Variants in NIM1K observed in about 807,000 individuals in gnomAD.
NIM1K encodes NIM1 serine/threonine protein kinase, also known as serine/threonine-protein kinase NIM1.
Under a neutral mutation model 37.1 loss-of-function variants are expected in NIM1K, and 35 were observed. That is an observed-to-expected ratio of 0.94 (90% CI 0.72 to 1.25). The LOEUF (loss-of-function observed/expected upper bound fraction) is 1.25, where lower values mean the gene tolerates loss of function less well. Among genes scored for constraint, NIM1K ranks in the 50% most tolerant of loss-of-function variants. The pLI is 0.00. For synonymous variants in NIM1K, 234 were observed against 206.6 expected (o/e 1.13, Z -1.14); for missense variants, 564 against 548.0 (o/e 1.03, Z -0.29).
At chr5:43,276,791 T>C (rs1753348061) in intron 2 of NIM1K, among the ~76,000 whole-genome samples, 3 of 152,204 alleles carry the variant, frequency 2.0e-5, no homozygotes, top group Admixed American at 1.3e-4. Flanking sequence ...TCTCCGGGCT[T>C]AGCAAAGGAG....
intron 1 of NIM1K, among the ~76,000 whole-genome samples, chr5:43,205,770 T>TGG (rs1266740682): frequency 6.6e-6 from 1 of 152,130 alleles, no homozygotes; most frequent in African/African-American, 2.4e-5. Flanking sequence ...TGGAGTGTAG[T>TGG]CTTGCGATCT....
intron 1 of NIM1K, among the ~76,000 whole-genome samples, chr5:43,199,204 A>AAAAATAT (rs1200134957): frequency 3.2e-5 from 3 of 94,068 alleles, no homozygotes; most frequent in African/African-American, 1.2e-4. Flanking sequence ...AAAAAAAAAA[A>AAAAATAT]ATATATATAT....
At chr5:43,233,200 G>A (rs570088813) in intron 1 of NIM1K, 37 of 1,047,664 alleles carry the variant, frequency 3.5e-5, no homozygotes, top group Middle Eastern at 2.6e-4. Context: ...CTGCCGAGGC[G>A]ATGGTGGAGA....
At chr5:43,260,300 G>T (rs1218774990) in intron 2 of NIM1K, among the ~76,000 whole-genome samples, 3 of 152,126 alleles carry the variant, frequency 2.0e-5, no homozygotes, top group Non-Finnish European at 4.4e-5. Context: ...TTCTTGTCTT[G>T]TTCCAGCTCT....
At chr5:43,274,424 G>A (rs996054387) in intron 2 of NIM1K, among the ~76,000 whole-genome samples, 2 of 152,112 alleles carry the variant, frequency 1.3e-5, no homozygotes, top group Admixed American at 1.3e-4. Flanking sequence ...GAAGCAGTGG[G>A]TTCTTCTACA....
In NIM1K at chr5:43,195,441, T is replaced by C. The variant is rs565400593; in HGVS notation, c.-695+3030T>C. Among the ~76,000 whole-genome samples the C allele has an allele frequency of 1.3e-3, 192 of 152,220 alleles. 2 individuals carry two copies. The highest frequency in any genetic ancestry group is 6.0e-3 in the Admixed American group (91 of 15,278). ...GGGAGGCTGAAGCAGAAGGACTGCT[T>C]GAGCCCAGGAGTTCGAGACCAGCCT... On this transcript the variant is annotated intron_variant, in intron 1 of 3. Transcript: ENST00000326035.
Position 43,233,286 on chromosome 5 carries a change from C to T in NIM1K, c.-694-11796C>T, listed in dbSNP as rs536027243. 1.2e-3 allele frequency: 583 copies of T among 488,858 alleles called. 3 individuals are homozygous for T. Among genetic ancestry groups the T allele is most frequent in the African/African-American group, 0.011 (547 of 51,054 alleles). The allele number at this position is 488,858 out of a possible 1,614,324, so 30.3% of individuals were successfully genotyped here. A position where few individuals can be genotyped will look rare whatever the true frequency, so the allele number is the denominator to read the frequency against. On this transcript the variant is annotated intron_variant, in intron 1 of 3. Transcript: ENST00000326035. ...AGAGAACCTGCCTATTATTTTCTTT[C>T]CTTCTTCTAAGGCAAGAGTGACACT...
chr5:43,263,586 T>A (rs966147588), intron 2 of NIM1K, among the ~76,000 whole-genome samples: 5 of 151,134 alleles, frequency 3.3e-5, no homozygotes, highest in African/African-American at 9.7e-5. Context: ...TTGATTTTTT[T>A]ATTTTTTTAA....
At chr5:43,223,809 A>G (rs1389949720) in intron 1 of NIM1K, among the ~76,000 whole-genome samples, 1 of 152,210 alleles carries the variant, frequency 6.6e-6, no homozygotes, top group Non-Finnish European at 1.5e-5. Context: ...GTTGATATAA[A>G]TGAATTCCTG....
intron 2 of NIM1K, among the ~76,000 whole-genome samples, chr5:43,261,538 A>G (rs1014788281): frequency 6.6e-6 from 1 of 151,496 alleles, no homozygotes; most frequent in South Asian, 2.1e-4. Flanking sequence ...GATTGCAAAA[A>G]TTTTCTCCCA....
At position 43,280,524 on chromosome 5, in the gene NIM1K, A is replaced by G. The variant is rs1233292168; in HGVS notation, c.1106A>G (p.Glu369Gly). 32 of 1,614,102 alleles carry G rather than the reference A, an allele frequency of 2.0e-5. No homozygotes were observed. Among genetic ancestry groups the G allele is most frequent in the South Asian group, 3.3e-5 (3 of 91,086 alleles). Residue 369 changes from glutamate to glycine, a missense_variant, in exon 4 of 4, where the codon GAG becomes GGG. Coordinates refer to ENST00000326035, the MANE Select transcript of NIM1K (RefSeq NM_153361.4). ...STLEHLGITE[E>G]HIRNNQGRDA... ...TTAGAACATTTGGGCATTACAGAAG[A>G]GCATATTCGAAATAACCAAGGGAGA...
intron 1 of NIM1K, among the ~76,000 whole-genome samples, chr5:43,217,460 A>AG (rs1491203852): frequency 4.1e-5 from 1 of 24,280 alleles, no homozygotes; most frequent in African/African-American, 2.5e-4. Context: ...GTGGACATGC[A>AG]AAAAAAAAAA....
chr5:43,226,874 G>A (rs1351128128), intron 1 of NIM1K, among the ~76,000 whole-genome samples: 1 of 152,196 alleles, frequency 6.6e-6, no homozygotes, highest in Non-Finnish European at 1.5e-5. Context: ...AGAGGGAAAT[G>A]TGAGTGTGGT....
intron 1 of NIM1K, among the ~76,000 whole-genome samples, chr5:43,213,983 C>CTTTTT (rs764323868): frequency 1.4e-5 from 2 of 139,100 alleles, no homozygotes; most frequent in Non-Finnish European, 3.1e-5. Context: ...CTCTTTCTTT[C>CTTTTT]TTTTTTTTTT....
intron 1 of NIM1K, among the ~76,000 whole-genome samples, chr5:43,227,955 T>C (rs1293302457): frequency 6.6e-6 from 1 of 152,150 alleles, no homozygotes; most frequent in African/African-American, 2.4e-5. Flanking sequence ...TGGAAAAGAC[T>C]GGCTCAAGGT....
At chr5:43,263,209 G>A (rs966560538) in intron 2 of NIM1K, among the ~76,000 whole-genome samples, 16 of 152,158 alleles carry the variant, frequency 1.1e-4, no homozygotes, top group African/African-American at 3.9e-4. Context: ...TGTACCTCTG[G>A]TAGAATTCAG....
At chr5:43,206,398 G>A (rs1173336374) in intron 1 of NIM1K, among the ~76,000 whole-genome samples, 1 of 82,896 alleles carries the variant, frequency 1.2e-5, no homozygotes, top group Non-Finnish European at 2.7e-5. Context: ...TACTTGGGAA[G>A]CTTAAGGGAG....
intron 2 of NIM1K, among the ~76,000 whole-genome samples, chr5:43,264,266 G>T (rs998220998): frequency 2.0e-5 from 3 of 152,162 alleles, no homozygotes; most frequent in African/African-American, 7.2e-5. Flanking sequence ...AAGTCTCTTT[G>T]TAGGTCTCTA....
At chr5:43,201,198 A>C (rs532840785) in intron 1 of NIM1K, among the ~76,000 whole-genome samples, 1 of 151,980 alleles carries the variant, frequency 6.6e-6, no homozygotes, top group South Asian at 2.1e-4. Context: ...TCATAAGGTC[A>C]TGAGATCGAG....
Sources: gnomAD v4.1 joint callset for allele counts (sites outside exome capture counted in the v4.1 genomes callset) on GRCh38, gnomAD v4.1.1 for gene constraint, MANE v1.5 for transcripts, NCBI Gene and HGNC (gene_info 2026-07-23, HGNC 2026-07-21) for gene names.